PTPRM: variants seen among roughly 807,000 people sequenced by gnomAD.
The protein encoded by PTPRM is protein tyrosine phosphatase receptor type M, also known as receptor-type tyrosine-protein phosphatase mu.
Under a neutral mutation model 186.7 loss-of-function variants are expected in PTPRM, and 47 were observed. The observed-to-expected ratio is 0.25, with a 90% CI of 0.20 to 0.32. The LOEUF is 0.32. Among genes scored for constraint, PTPRM ranks in the 10% least tolerant of loss-of-function variants. PTPRM has a pLI of 1.00. For synonymous variants in PTPRM, 668 were observed against 674.9 expected, an observed-to-expected ratio of 0.99 and a Z score of 0.16; for missense variants, 1,494 against 1,865.0, an observed-to-expected ratio of 0.80 and a Z score of 3.66.
At chr18:8,279,645 C>T (rs1601607002) in intron 19 of PTPRM, among the ~76,000 whole-genome samples, 2 of 152,180 alleles carry the variant, frequency 1.3e-5, no homozygotes, top group East Asian at 1.9e-4. Context: ...TGAAACGTGG[C>T]TTGACTAAGA....
intron 1 of PTPRM, among the ~76,000 whole-genome samples, chr18:7,580,934 A>G (rs1037121108): frequency 1.3e-5 from 2 of 152,224 alleles, no homozygotes; most frequent in Non-Finnish European, 2.9e-5. Flanking sequence ...ATTATGTCAT[A>G]TAAAATCCGT....
intron 19 of PTPRM, 49 bp downstream of exon 19, chr18:8,253,463 A>G (rs772467696): frequency 5.8e-6 from 8 of 1,371,002 alleles, no homozygotes; most frequent in African/African-American, 1.5e-5. Context: ...CTTGGATTCC[A>G]TGCCAGGTAC....
chr18:7,722,830 A>G (rs548018058), intron 1 of PTPRM, among the ~76,000 whole-genome samples: 15 of 152,208 alleles, frequency 9.9e-5, no homozygotes, highest in African/African-American at 2.2e-4. Context: ...ACAGGGACAG[A>G]GAGCTCATGT....
Position 8,055,028 on chromosome 18 carries a change from C to G in PTPRM, c.1133-14658C>G, listed in dbSNP as rs573276480. ...CTGCCATTACTTTGTAGGTGATGTGCTTTTTCTCTCTAGATGCTTTTGAGA... is the reference window on the plus strand; with the variant it reads ...CTGCCATTACTTTGTAGGTGATGTGGTTTTTCTCTCTAGATGCTTTTGAGA... On this transcript the variant is annotated intron_variant, in intron 7 of 32. Transcript: ENST00000580170. 4.6e-5 allele frequency among the ~76,000 whole-genome samples: 7 copies of G among 152,052 alleles called. No homozygotes were observed. In the East Asian group the frequency reaches 1.4e-3, roughly 29 times the overall value.
chr18:8,346,102 G>A (rs1189724198), intron 23 of PTPRM, among the ~76,000 whole-genome samples: 1 of 152,210 alleles, frequency 6.6e-6, no homozygotes, highest in Non-Finnish European at 1.5e-5. Flanking sequence ...CAGCATGGGA[G>A]TGCAGGTGAG....
At chr18:7,780,497 C>A (rs1404224229) in intron 2 of PTPRM, among the ~76,000 whole-genome samples, 3 of 152,186 alleles carry the variant, frequency 2.0e-5, no homozygotes, top group Non-Finnish European at 4.4e-5. Flanking sequence ...ACATGCCCTG[C>A]CCAGGTCAGC....
chr18:8,170,208 A>G (rs2093378011), intron 14 of PTPRM, among the ~76,000 whole-genome samples: 1 of 152,170 alleles, frequency 6.6e-6, no homozygotes, highest in Non-Finnish European at 1.5e-5. Context: ...CACACGATGA[A>G]TTTGAGGATA....
intron 14 of PTPRM, among the ~76,000 whole-genome samples, chr18:8,241,402 A>G (rs2094433596): frequency 1.1e-5 from 1 of 89,406 alleles, no homozygotes; most frequent in Non-Finnish European, 2.4e-5. Context: ...TGATAATTAT[A>G]TTATAACTTC....
At position 8,202,938 on chromosome 18, in the gene PTPRM, A is replaced by T. The variant is rs558359266; in HGVS notation, c.2301-41120A>T. 2.0e-5 allele frequency among the ~76,000 whole-genome samples: 3 copies of T among 152,312 alleles called. No individual in the cohort carries two copies. In the East Asian group the frequency reaches 5.8e-4, roughly 29 times the overall value. On this transcript the variant is annotated intron_variant, in intron 14 of 32. Transcript: ENST00000580170. ...CCACAGGCCTCCTCTTCTTCCATGA[A>T]GGGACTGCTAAACTCAGCTCAGGCA...
At chr18:7,652,288 C>T (rs1335614123) in intron 1 of PTPRM, among the ~76,000 whole-genome samples, 1 of 152,138 alleles carries the variant, frequency 6.6e-6, no homozygotes, top group Admixed American at 6.5e-5. Context: ...AATAGGAACA[C>T]TTTTACACTG....
chr18:8,264,018 G>A lies in PTPRM; in HGVS notation c.2754+10604G>A, dbSNP rs147499478. On this transcript the variant is annotated intron_variant, in intron 19 of 32. Coordinates refer to ENST00000580170, the MANE Select transcript of PTPRM (RefSeq NM_001105244.2). ...ACTACTGGGGACTGGCATCTGAAGC[G>A]GGGGGTTGCCATCTTGTGGGACTGA... is the stretch of plus-strand genomic sequence containing the variant. 4.5e-4 allele frequency among the ~76,000 whole-genome samples: 69 copies of A among 152,278 alleles called. 1 individual carries two copies. The highest frequency in any genetic ancestry group is 1.5e-3 in the Admixed American group (23 of 15,288).
chr18:7,821,180 A>G (rs1049086126), intron 2 of PTPRM, among the ~76,000 whole-genome samples: 36 of 152,242 alleles, frequency 2.4e-4, no homozygotes, highest in African/African-American at 6.3e-4. Flanking sequence ...TGGCTTAGCA[A>G]GGCAATCCCA....
intron 1 of PTPRM, among the ~76,000 whole-genome samples, chr18:7,717,227 A>G (rs1414718636): frequency 6.6e-6 from 1 of 152,094 alleles, no homozygotes; most frequent in African/African-American, 2.4e-5. Flanking sequence ...GCCTTTTCCT[A>G]AAACACCCAT....
At chr18:7,717,237 T>C (rs2040354310) in intron 1 of PTPRM, among the ~76,000 whole-genome samples, 1 of 152,086 alleles carries the variant, frequency 6.6e-6, no homozygotes, top group South Asian at 2.1e-4. Context: ...AAAACACCCA[T>C]GGCCCCACCC....
chr18:8,147,307 G>T (rs1237524266), intron 14 of PTPRM, among the ~76,000 whole-genome samples: 2 of 152,062 alleles, frequency 1.3e-5, no homozygotes, highest in Admixed American at 1.3e-4. Context: ...AGTTGTTTGT[G>T]TCCTCTCTTA....
At position 7,814,315 on chromosome 18, in the gene PTPRM, AG is replaced by A. The variant is rs571323801; in HGVS notation, c.196+40046del. 4 of 152,340 alleles carry A rather than the reference AG, an allele frequency of 2.6e-5. No homozygotes were observed. In the East Asian group the frequency reaches 7.7e-4, roughly 29 times the overall value. 9.4% of individuals were successfully genotyped at this position (152,340 alleles called of 1,614,324 possible). On this transcript the variant is annotated intron_variant, in intron 2 of 32. Transcript: ENST00000580170. ...GCTGGGTGTACCTCGTTAAGCACAT[AG>A]GTGGTAAAATAAGTACCACGGTAAA...
chr18:7,665,919 T>C (rs1362934797), intron 1 of PTPRM, among the ~76,000 whole-genome samples: 1 of 150,258 alleles, frequency 6.7e-6, no homozygotes, highest in African/African-American at 2.5e-5. Context: ...AGACTCTGTC[T>C]CAAAAAAAAA....
intron 1 of PTPRM, among the ~76,000 whole-genome samples, chr18:7,698,190 C>T (rs2039885083): frequency 6.6e-6 from 1 of 152,152 alleles, no homozygotes; most frequent in African/African-American, 2.4e-5. Flanking sequence ...TCTGTTGTTC[C>T]CTAGCCCTGT....
rs115005002 is a variant in PTPRM at position 7,983,743 on chromosome 18, G to A, written c.1132+28329G>A. Among the ~76,000 whole-genome samples, 303 of 152,134 alleles carry A rather than the reference G, an allele frequency of 2.0e-3. 1 individual carries two copies. Among genetic ancestry groups the A allele is most frequent in the African/African-American group, 6.5e-3 (269 of 41,512 alleles). ...CCTGTCTTCTTTGCCACTAACCTTCGTTGAGAAAATAATCTGTGAAAGGTC... is the reference window on the plus strand; with the variant it reads ...CCTGTCTTCTTTGCCACTAACCTTCATTGAGAAAATAATCTGTGAAAGGTC... On this transcript the variant is annotated intron_variant, in intron 7 of 32. Transcript: ENST00000580170.
Sources: allele counts gnomAD v4.1 joint callset (sites outside exome capture counted in the v4.1 genomes callset), GRCh38; gene constraint gnomAD v4.1.1; transcripts MANE v1.5; gene names NCBI Gene and HGNC (gene_info 2026-07-23, HGNC 2026-07-21).